Variants in PACSIN2 observed in about 807,000 individuals in gnomAD.
PACSIN2 encodes the protein protein kinase C and casein kinase substrate in neurons 2.
Under a neutral mutation model 63.8 loss-of-function variants are expected in PACSIN2, and 25 were observed. That is an observed-to-expected ratio of 0.39 (90% CI 0.29 to 0.55). The LOEUF (loss-of-function observed/expected upper bound fraction) is 0.55. PACSIN2 is among the 20% of genes least tolerant of loss of function. The pLI, the probability that PACSIN2 is intolerant of heterozygous loss-of-function variation, is 0.62. For missense variants in PACSIN2, 518 were observed against 646.9 expected, an observed-to-expected ratio of 0.80 and a Z score of 2.16; for synonymous variants, 255 against 256.2, an observed-to-expected ratio of 1.00 and a Z score of 0.05.
At chr22:43,008,699 C>T (rs1008965557) in intron 1 of PACSIN2, among the ~76,000 whole-genome samples, 2 of 152,260 alleles carry the variant, frequency 1.3e-5, no homozygotes, top group African/African-American at 2.4e-5. Flanking sequence ...GCCACTGGCA[C>T]AATCCACACC....
chr22:42,902,026 C>CA (rs1569245206), intron 2 of PACSIN2, among the ~76,000 whole-genome samples: 2 of 152,220 alleles, frequency 1.3e-5, no homozygotes, highest in Non-Finnish European at 2.9e-5. Context: ...GAGCGTCTGG[C>CA]AACACTCTCT....
intron 1 of PACSIN2, among the ~76,000 whole-genome samples, chr22:42,912,592 CA>C (rs1931535486): frequency 6.6e-6 from 1 of 152,230 alleles, no homozygotes; most frequent in African/African-American, 2.4e-5. Context: ...ACTGAAGCCA[CA>C]AATTCAGACC....
intron 1 of PACSIN2, chr22:42,945,719 A>G (rs936616891): frequency 6.6e-6 from 1 of 152,414 alleles, no homozygotes; most frequent in Non-Finnish European, 1.5e-5. Flanking sequence ...TGTCCCCATG[A>G]TGATAGCTAC....
intron 1 of PACSIN2, among the ~76,000 whole-genome samples, chr22:42,937,315 G>T (rs1036854093): frequency 4.6e-5 from 7 of 152,102 alleles, no homozygotes; most frequent in African/African-American, 1.7e-4. Context: ...CCAGCAAAAG[G>T]CAAGAGAGGC....
intron 1 of PACSIN2, among the ~76,000 whole-genome samples, chr22:42,920,872 A>G (rs1247248738): frequency 7.1e-6 from 1 of 141,470 alleles, no homozygotes; most frequent in African/African-American, 2.7e-5. Flanking sequence ...GTGTGATCAC[A>G]GCTCACTGCA....
chr22:42,889,503 A>G (rs1358151517), intron 4 of PACSIN2, among the ~76,000 whole-genome samples: 1 of 152,202 alleles, frequency 6.6e-6, no homozygotes, highest in Non-Finnish European at 1.5e-5. Context: ...CAGTTTCATT[A>G]TGAATGGGGC....
At position 42,910,454 on chromosome 22, in the gene PACSIN2, G is replaced by T. The variant is rs543199605; in HGVS notation, c.60+1567C>A. Among the ~76,000 whole-genome samples, 385 of 152,252 alleles carry T rather than the reference G, an allele frequency of 2.5e-3. 3 individuals carry two copies. Among genetic ancestry groups the T allele is most frequent in the African/African-American group, 8.7e-3 (361 of 41,540 alleles). ...GCACTAATGAGGCCACAGCCTCTCTGGGGGGGCCAGCCAGCGGGACCTGAT... is the reference window on the plus strand; with the variant it reads ...GCACTAATGAGGCCACAGCCTCTCTTGGGGGGCCAGCCAGCGGGACCTGAT... On this transcript the variant is annotated intron_variant, in intron 2 of 10. Transcript: ENST00000263246.
At chr22:42,879,317 G>A in intron 7 of PACSIN2, 148 bp from the exon 8 acceptor site, 1 of 814,584 alleles carries the variant, frequency 1.2e-6, no homozygotes, top group Non-Finnish European at 1.9e-6. Flanking sequence ...TGGTTTCCCA[G>A]AAGACCTCAG....
chr22:42,949,454 A>ACG (rs1223556095), intron 1 of PACSIN2, among the ~76,000 whole-genome samples: 1 of 147,160 alleles, frequency 6.8e-6, no homozygotes, highest in African/African-American at 2.7e-5. Context: ...CCTCATACAC[A>ACG]CACGCGCGCG....
intron 1 of PACSIN2, among the ~76,000 whole-genome samples, chr22:42,952,320 T>C (rs79287700): frequency 0.026 from 3,907 of 151,888 alleles, 166 homozygotes; most frequent in African/African-American, 0.09. Context: ...TATTTATTTA[T>C]TTATTATTTT....
intron 1 of PACSIN2, among the ~76,000 whole-genome samples, chr22:42,955,956 C>T (rs929834440): frequency 6.6e-6 from 1 of 152,174 alleles, no homozygotes; most frequent in African/African-American, 2.4e-5. Context: ...ACTAGCACTA[C>T]CAATCTATGT....
At chr22:42,886,619 C>T (rs1351071950) in intron 5 of PACSIN2, among the ~76,000 whole-genome samples, 1 of 152,158 alleles carries the variant, frequency 6.6e-6, no homozygotes, top group Non-Finnish European at 1.5e-5. Flanking sequence ...GCACGTGCTA[C>T]CACACCCAAC....
At chr22:43,008,756 C>T (rs1000117937) in intron 1 of PACSIN2, among the ~76,000 whole-genome samples, 6 of 152,232 alleles carry the variant, frequency 3.9e-5, no homozygotes, top group Non-Finnish European at 7.4e-5. Context: ...GAGGGGCCTC[C>T]TAGACTGCAG....
intron 1 of PACSIN2, among the ~76,000 whole-genome samples, chr22:42,924,613 C>T (rs1198753975): frequency 6.6e-6 from 1 of 152,186 alleles, no homozygotes; most frequent in Non-Finnish European, 1.5e-5. Context: ...GCCACCACTG[C>T]TGTCCACCCT....
intron 1 of PACSIN2, among the ~76,000 whole-genome samples, chr22:42,915,777 C>T (rs1394062550): frequency 6.6e-6 from 1 of 152,234 alleles, no homozygotes; most frequent in African/African-American, 2.4e-5. Context: ...TGCACCACCA[C>T]TTCAGTTCTT....
chr22:42,980,369 G>A (rs1417276155), intron 1 of PACSIN2, among the ~76,000 whole-genome samples: 1 of 152,028 alleles, frequency 6.6e-6, no homozygotes, highest in African/African-American at 2.4e-5. Flanking sequence ...AAAAACACTA[G>A]CTTGTCATGG....
At chr22:43,012,038 A>G (rs528057707) in intron 1 of PACSIN2, among the ~76,000 whole-genome samples, 1 of 152,182 alleles carries the variant, frequency 6.6e-6, no homozygotes, top group South Asian at 2.1e-4. Flanking sequence ...CCAGTTACTC[A>G]GGAGGCTGAG....
intron 1 of PACSIN2, among the ~76,000 whole-genome samples, chr22:42,995,225 T>A (rs1215716640): frequency 6.6e-6 from 1 of 152,280 alleles, no homozygotes; most frequent in Non-Finnish European, 1.5e-5. Context: ...CATTCAGTCA[T>A]GTTTCACAAT....
chr22:42,910,329 T>C (rs1270821262), intron 2 of PACSIN2, among the ~76,000 whole-genome samples: 1 of 152,184 alleles, frequency 6.6e-6, no homozygotes. Flanking sequence ...TTTCTATCTA[T>C]AGTTTTGGTT....
Sources: gnomAD v4.1 joint callset for allele counts (sites outside exome capture counted in the v4.1 genomes callset) on GRCh38, gnomAD v4.1.1 for gene constraint, MANE v1.5 for transcripts, NCBI Gene and HGNC (gene_info 2026-07-23, HGNC 2026-07-21) for gene names.